DTWD2: variants seen among roughly 807,000 people sequenced by gnomAD.
DTWD2 encodes tRNA-uridine aminocarboxypropyltransferase 2.
DTWD2 carries 39 observed loss-of-function variants against 31.8 expected under a neutral mutation model. The observed-to-expected ratio is 1.22, with a 90% CI of 0.95 to 1.60. DTWD2 has a LOEUF of 1.60. Ranked by LOEUF, DTWD2 falls within the 40% of genes most tolerant of loss-of-function variation. The pLI is 0.00. For synonymous variants in DTWD2, 180 were observed against 142.8 expected (o/e 1.26, Z -1.86); for missense variants, 515 against 381.5 (o/e 1.35, Z -2.92).
intron 2 of DTWD2, among the ~76,000 whole-genome samples, chr5:118,943,870 G>C (rs1754265906): frequency 6.6e-6 from 1 of 152,186 alleles, no homozygotes; most frequent in South Asian, 2.1e-4. Flanking sequence ...TAGAAAGCTT[G>C]ACTGCGTCTA....
intron 4 of DTWD2, among the ~76,000 whole-genome samples, chr5:118,885,153 T>TAA (rs1554064416): frequency 2.3e-5 from 3 of 132,574 alleles, no homozygotes; most frequent in African/African-American, 5.6e-5. Context: ...TACAAAAAAT[T>TAA]AAAAAAAAAA....
At chr5:118,875,003 A>G (rs1580780051) in intron 4 of DTWD2, among the ~76,000 whole-genome samples, 1 of 152,122 alleles carries the variant, frequency 6.6e-6, no homozygotes, top group Admixed American at 6.5e-5. Flanking sequence ...CCCATCAGAC[A>G]GTGAACCTCT....
chr5:118,848,260 T>G, intron 4 of DTWD2, 42 bp from the exon 5 acceptor site: 1 of 1,519,560 alleles, frequency 6.6e-7, no homozygotes, highest in Non-Finnish European at 8.8e-7. Flanking sequence ...TTGTTTTAAA[T>G]TTAAAATTAT....
At chr5:118,877,851 G>C (rs1410927324) in intron 4 of DTWD2, among the ~76,000 whole-genome samples, 2 of 152,074 alleles carry the variant, frequency 1.3e-5, no homozygotes, top group South Asian at 4.2e-4. Flanking sequence ...AAAGTTTCAG[G>C]ATACAAAATA....
chr5:118,874,200 C>A (rs1752571130), intron 4 of DTWD2, among the ~76,000 whole-genome samples: 1 of 152,132 alleles, frequency 6.6e-6, no homozygotes, highest in Non-Finnish European at 1.5e-5. Flanking sequence ...GAAAACCCAT[C>A]CAAGGGTGAG....
chr5:118,865,679 T>C (rs920143979), intron 4 of DTWD2, among the ~76,000 whole-genome samples: 2 of 152,200 alleles, frequency 1.3e-5, no homozygotes, highest in Non-Finnish European at 2.9e-5. Context: ...CTATTTTGCC[T>C]TACTTTAGCC....
chr5:118,933,068 G>A (rs1753962555), intron 3 of DTWD2, among the ~76,000 whole-genome samples: 1 of 151,976 alleles, frequency 6.6e-6, no homozygotes, highest in Non-Finnish European at 1.5e-5. Flanking sequence ...ATAGTTAGGA[G>A]GAAATTAACT....
At chr5:118,887,231 C>T (rs1191808206) in intron 4 of DTWD2, among the ~76,000 whole-genome samples, 1 of 152,148 alleles carries the variant, frequency 6.6e-6, no homozygotes, top group Non-Finnish European at 1.5e-5. Flanking sequence ...ATATTCTATT[C>T]TCTAAAAGTT....
At chr5:118,948,538 T>A (rs1026498181) in intron 1 of DTWD2, among the ~76,000 whole-genome samples, 1 of 151,412 alleles carries the variant, frequency 6.6e-6, no homozygotes, top group Non-Finnish European at 1.5e-5. Context: ...AAAAATGAAA[T>A]ATGGGGAAAT....
intron 4 of DTWD2, among the ~76,000 whole-genome samples, chr5:118,883,555 C>CA (rs1170322526): frequency 6.6e-6 from 1 of 152,194 alleles, no homozygotes; most frequent in Non-Finnish European, 1.5e-5. Context: ...GTAATTGACT[C>CA]ACAGTTCCCC....
intron 4 of DTWD2, among the ~76,000 whole-genome samples, chr5:118,889,735 C>A (rs914609964): frequency 1.3e-5 from 2 of 151,970 alleles, no homozygotes; most frequent in Non-Finnish European, 2.9e-5. Context: ...TCTCAAAAAA[C>A]GATAGTTTTT....
intron 1 of DTWD2, among the ~76,000 whole-genome samples, chr5:118,984,131 A>G (rs1320779844): frequency 6.6e-6 from 1 of 152,202 alleles, no homozygotes; most frequent in Non-Finnish European, 1.5e-5. Flanking sequence ...TACTAAAAAT[A>G]CAAAATTAGT....
chr5:118,907,364 G>C (rs533889902), intron 4 of DTWD2, among the ~76,000 whole-genome samples: 3 of 152,234 alleles, frequency 2.0e-5, no homozygotes, highest in African/African-American at 4.8e-5. Flanking sequence ...GAGAGAAAGA[G>C]ATTTCTTATA....
intron 4 of DTWD2, among the ~76,000 whole-genome samples, chr5:118,919,987 T>C (rs1003245973): frequency 6.6e-6 from 1 of 151,872 alleles, no homozygotes; most frequent in Non-Finnish European, 1.5e-5. Context: ...TTTCATTGTA[T>C]ATTACAGTGT....
intron 1 of DTWD2, among the ~76,000 whole-genome samples, chr5:118,969,107 T>C (rs213435): frequency 0.77 from 116,768 of 151,958 alleles, 45,746 homozygotes; most frequent in East Asian, 0.99. Context: ...TAGGTGGGGC[T>C]TCCCTGCAGG....
intron 5 of DTWD2, 146 bp from the exon 6 acceptor site, chr5:118,841,233 T>A: frequency 1.3e-6 from 1 of 781,504 alleles, no homozygotes; most frequent in Non-Finnish European, 1.9e-6. Context: ...CTCTGATAAA[T>A]ATATAATTAT....
chr5:118,944,230 A>G (rs910762353), intron 2 of DTWD2, among the ~76,000 whole-genome samples: 1 of 152,222 alleles, frequency 6.6e-6, no homozygotes, highest in Non-Finnish European at 1.5e-5. Context: ...AAGAAACATA[A>G]GCTATGACCA....
At chr5:118,858,505 T>C (rs887151083) in intron 4 of DTWD2, among the ~76,000 whole-genome samples, 1 of 152,172 alleles carries the variant, frequency 6.6e-6, no homozygotes, top group East Asian at 1.9e-4. Context: ...TCACCAACTC[T>C]TAAAAACTTT....
At chr5:118,916,579 C>G (rs1003337055) in intron 4 of DTWD2, among the ~76,000 whole-genome samples, 2 of 150,832 alleles carry the variant, frequency 1.3e-5, no homozygotes, top group African/African-American at 4.9e-5. Flanking sequence ...GCAGGAGAAT[C>G]ACTTGAACCC....
Sources: gnomAD v4.1 joint callset for allele counts (sites outside exome capture counted in the v4.1 genomes callset) on GRCh38, gnomAD v4.1.1 for gene constraint, MANE v1.5 for transcripts, NCBI Gene and HGNC (gene_info 2026-07-23, HGNC 2026-07-21) for gene names.